LRBA: variants seen among roughly 807,000 people sequenced by gnomAD.
The protein encoded by LRBA is lipopolysaccharide-responsive and beige-like anchor protein.
LRBA carries 176 observed loss-of-function variants against 330.0 expected under a neutral mutation model. The observed-to-expected ratio is 0.53, with a 90% CI of 0.47 to 0.60. The LOEUF (loss-of-function observed/expected upper bound fraction) is 0.60, where lower values mean the gene tolerates loss of function less well. Ranked by LOEUF, LRBA falls within the 20% of genes least tolerant of loss-of-function variation. The pLI is 0.00. For synonymous variants in LRBA, 1,230 were observed against 1,193.0 expected (o/e 1.03, Z -0.64); for missense variants, 3,259 against 3,444.8 (o/e 0.95, Z 1.35).
chr4:150,922,444 G>T (rs1324137416), intron 4 of LRBA, among the ~76,000 whole-genome samples: 1 of 148,140 alleles, frequency 6.8e-6, no homozygotes, highest in Non-Finnish European at 1.5e-5. Flanking sequence ...GCCATTAAAA[G>T]AAATAAATTA....
intron 16 of LRBA, among the ~76,000 whole-genome samples, chr4:150,894,771 A>G (rs1223189068): frequency 1.3e-5 from 2 of 152,182 alleles, no homozygotes; most frequent in Admixed American, 1.3e-4. Context: ...CTTCCAGTTT[A>G]TCTCATATAA....
chr4:150,690,089 A>G (rs1783981268), intron 36 of LRBA, among the ~76,000 whole-genome samples: 1 of 152,154 alleles, frequency 6.6e-6, no homozygotes, highest in African/African-American at 2.4e-5. Flanking sequence ...TACAAAATAT[A>G]CAGTTTATAG....
chr4:150,934,830 G>A (rs1276439722), intron 2 of LRBA, among the ~76,000 whole-genome samples: 5 of 151,996 alleles, frequency 3.3e-5, no homozygotes, highest in African/African-American at 4.8e-5. Flanking sequence ...GCAACACGGC[G>A]AAACCCCGTC....
At chr4:150,766,339 A>G (rs1439233164) in intron 34 of LRBA, among the ~76,000 whole-genome samples, 1 of 152,128 alleles carries the variant, frequency 6.6e-6, no homozygotes, top group Non-Finnish European at 1.5e-5. Flanking sequence ...ACCAAATGCC[A>G]GATATACAAA....
At chr4:150,398,916 C>A (rs1745110847) in intron 47 of LRBA, among the ~76,000 whole-genome samples, 1 of 152,144 alleles carries the variant, frequency 6.6e-6, no homozygotes, top group Non-Finnish European at 1.5e-5. Context: ...GTGTGAGCCA[C>A]CATGCCCAGC....
chr4:150,652,278 C>G (rs1311043775), intron 37 of LRBA, among the ~76,000 whole-genome samples: 1 of 152,140 alleles, frequency 6.6e-6, no homozygotes, highest in Non-Finnish European at 1.5e-5. Flanking sequence ...CTAGTTTGTT[C>G]AAATCAGGAT....
At chr4:150,937,922 A>T (rs1735253819) in intron 2 of LRBA, among the ~76,000 whole-genome samples, 1 of 152,282 alleles carries the variant, frequency 6.6e-6, no homozygotes, top group South Asian at 2.1e-4. Flanking sequence ...GATCAAAAAT[A>T]ATTATCTTCT....
chr4:150,786,900 A>G (rs945805521), intron 34 of LRBA, among the ~76,000 whole-genome samples: 10 of 152,158 alleles, frequency 6.6e-5, no homozygotes, highest in African/African-American at 2.2e-4. Context: ...CATTGGAAAT[A>G]CCGAATAAAT....
chr4:150,489,155 ATATATAATATATTATATATAAG>A (rs1330434861), intron 41 of LRBA, among the ~76,000 whole-genome samples: 10 of 62,186 alleles, frequency 1.6e-4, no homozygotes, highest in Non-Finnish European at 3.0e-4. Context: ...ATATATCAGA[ATATATAATATATTATATATAAG>A]TATATAATAT....
chr4:150,583,775 A>G lies in LRBA; in HGVS notation c.6330+4273T>C, dbSNP rs753478162. On this transcript the variant is annotated intron_variant, in intron 40 of 56. Coordinates refer to ENST00000651943, the MANE Select transcript of LRBA (RefSeq NM_001364905.1). This position sits in a 1 kb window ranked among gnomAD's most constrained non-coding sequence, Gnocchi z 9.8. ...CTGCTGATGGGCGGCTGCCGAAACA[A>G]GTGCCTCTCAGTGCTGAAGACTCTG... is the stretch of plus-strand genomic sequence containing the variant. The G allele has an allele frequency of 1.2e-6, 2 of 1,614,134 alleles. No homozygotes were observed. The highest frequency in any genetic ancestry group is 2.2e-5 in the South Asian group (2 of 91,072).
intron 3 of LRBA, 103 bp downstream of exon 3, chr4:150,928,731 G>T: frequency 1.6e-6 from 2 of 1,263,174 alleles, no homozygotes; most frequent in Non-Finnish European, 2.2e-6. Flanking sequence ...CATGCTACAT[G>T]CTCAAATATT....
At chr4:150,373,490 T>TAATCTTGGTGAATCCCA (rs1740778789) in intron 47 of LRBA, among the ~76,000 whole-genome samples, 1 of 152,162 alleles carries the variant, frequency 6.6e-6, no homozygotes, top group Non-Finnish European at 1.5e-5. Flanking sequence ...TGTTAATCCC[T>TAATCTTGGTGAATCCCA]AATCTTGGTG....
At chr4:150,979,843 A>C (rs1740638855) in intron 2 of LRBA, among the ~76,000 whole-genome samples, 1 of 152,226 alleles carries the variant, frequency 6.6e-6, no homozygotes, top group Non-Finnish European at 1.5e-5. Flanking sequence ...AGTGTCTCAC[A>C]GTAAAGAAAA....
chr4:150,806,189 C>T, intron 33 of LRBA, 82 bp downstream of exon 33: 3 of 1,079,238 alleles, frequency 2.8e-6, no homozygotes, highest in Non-Finnish European at 3.9e-6. Context: ...AACAATGAAA[C>T]TCCATGTTAT....
At chr4:150,674,516 TA>T (rs1206328092) in intron 37 of LRBA, among the ~76,000 whole-genome samples, 1 of 152,108 alleles carries the variant, frequency 6.6e-6, no homozygotes, top group Non-Finnish European at 1.5e-5. Flanking sequence ...TTTAATGAAA[TA>T]ATGTTTGTAA....
chr4:150,821,542 G>C, intron 30 of LRBA, among the ~76,000 whole-genome samples: 1 of 151,714 alleles, frequency 6.6e-6, no homozygotes, highest in East Asian at 1.9e-4. Context: ...TAATTTACTG[G>C]CAATAGGCAA....
intron 36 of LRBA, among the ~76,000 whole-genome samples, chr4:150,693,265 G>A (rs1223882692): frequency 6.6e-6 from 1 of 152,062 alleles, no homozygotes; most frequent in Non-Finnish European, 1.5e-5. Flanking sequence ...TTATATAAGG[G>A]TCAAAAATTG....
At position 150,335,555 on chromosome 4, in the gene LRBA, C is replaced by T. The variant is rs193290675; in HGVS notation, c.7363-9657G>A. On this transcript the variant is annotated intron_variant, in intron 48 of 56. Transcript: ENST00000651943. ...GTGTATATATATATATACACACACA[C>T]ATATATGTATATATAAAGCACTTAG... Among the ~76,000 whole-genome samples, 172 of 149,160 alleles carry T rather than the reference C, an allele frequency of 1.2e-3. 1 individual carries two copies. Among genetic ancestry groups the T allele is most frequent in the Middle Eastern group, 3.7e-3 (1 of 272 alleles).
At position 150,928,953 on chromosome 4, in the gene LRBA, A is replaced by G. The variant is rs781020793; in HGVS notation, c.329T>C (p.Val110Ala). The G allele has an allele frequency of 1.9e-6, 3 of 1,613,772 alleles. No homozygotes were observed. The highest frequency in any genetic ancestry group is 2.7e-5 in the African/African-American group (2 of 74,862). Residue 110 changes from valine (V) to alanine (A), a missense_variant, in exon 3 of 57, where the codon GTC (valine) becomes GCC (alanine). Val to Ala is a moderately conservative substitution (Grantham distance 64). Coordinates refer to ENST00000651943, the MANE Select transcript of LRBA (RefSeq NM_001364905.1). ...EKCDITCQAE[V>A]WSMFTAILKK... ...CAGAATGGCTGTAAACATGCTCCAG[A>G]CTTCTGCTTGGCACGTAATGTCACA...
Sources: gnomAD v4.1 joint callset for allele counts (sites outside exome capture counted in the v4.1 genomes callset) on GRCh38, gnomAD v4.1.1 for gene constraint, Gnocchi (gnomAD v3.1) non-coding constraint, MANE v1.5 for transcripts, NCBI Gene and HGNC (gene_info 2026-07-23, HGNC 2026-07-21) for gene names.